SLC8A3: variants seen among roughly 807,000 people sequenced by gnomAD.
The protein encoded by SLC8A3 is solute carrier family 8 member A3, also known as sodium/calcium exchanger 3.
Under a neutral mutation model 65.4 loss-of-function variants are expected in SLC8A3, and 37 were observed. The observed-to-expected ratio is 0.57, with a 90% confidence interval of 0.44 to 0.74. The LOEUF is 0.74. Ranked by LOEUF, SLC8A3 falls within the 30% of genes least tolerant of loss-of-function variation. SLC8A3 has a pLI of 0.00. For missense variants in SLC8A3, 1,112 were observed against 1,172.1 expected (o/e 0.95, Z 0.75); for synonymous variants, 461 against 444.5 (o/e 1.04, Z -0.47).
At chr14:70,089,372 C>A (rs1891663128) in intron 2 of SLC8A3, among the ~76,000 whole-genome samples, 1 of 152,054 alleles carries the variant, frequency 6.6e-6, no homozygotes, top group Non-Finnish European at 1.5e-5. Flanking sequence ...GTTTCCAAAC[C>A]ATAACAGGAG....
chr14:70,184,140 G>A (rs902612094), intron 1 of SLC8A3, among the ~76,000 whole-genome samples: 1 of 152,008 alleles, frequency 6.6e-6, no homozygotes, highest in South Asian at 2.1e-4. Context: ...CTACCCATGA[G>A]AGTCTGTACA....
At chr14:70,134,749 C>A (rs1895076326) in intron 2 of SLC8A3, among the ~76,000 whole-genome samples, 1 of 152,166 alleles carries the variant, frequency 6.6e-6, no homozygotes, top group Admixed American at 6.5e-5. Context: ...TTAAAGCATA[C>A]ATCACACCAG....
chr14:70,166,623 C>T lies in SLC8A3; in HGVS notation c.1784+16G>A. ...GATGGGGTCAGGGAGGGGCAGAATA[C>T]AGGAAGGTTACTTACACAGTTTCAT... On this transcript the variant is annotated intron_variant, in intron 2 of 6. Transcript: ENST00000356921. 6.8e-7 allele frequency: 1 copy of T among 1,466,336 alleles called. No individual in the cohort carries two copies. Among genetic ancestry groups the T allele is most frequent in the South Asian group, 1.3e-5 (1 of 79,452 alleles). 90.8% of individuals were successfully genotyped at this position (1,466,336 alleles called of 1,614,324 possible).
At position 70,118,439 on chromosome 14, in the gene SLC8A3, C is replaced by G. The variant is rs1007368746; in HGVS notation, c.1784+48200G>C. Among the ~76,000 whole-genome samples, 4 of 152,216 alleles carry G rather than the reference C, an allele frequency of 2.6e-5. No homozygotes were observed. In the East Asian group the frequency reaches 5.8e-4, roughly 22 times the overall value. On this transcript the variant is annotated intron_variant, in intron 2 of 6. Coordinates refer to ENST00000356921, the MANE Select transcript of SLC8A3 (RefSeq NM_182932.3). ...AGCTCTCAGGTCTTCTGAAGCTGCT[C>G]TTGCATCTTCTCTGCCTAGAGCTCA... is the stretch of plus-strand genomic sequence containing the variant.
intron 1 of SLC8A3, among the ~76,000 whole-genome samples, chr14:70,172,532 G>A (rs1024136678): frequency 2.0e-5 from 3 of 152,130 alleles, no homozygotes; most frequent in Non-Finnish European, 4.4e-5. Flanking sequence ...TTACTGTTTC[G>A]ATGCCTAGTT....
chr14:70,077,093 T>C (rs1233633540), intron 2 of SLC8A3, among the ~76,000 whole-genome samples: 2 of 152,184 alleles, frequency 1.3e-5, no homozygotes, highest in Admixed American at 1.3e-4. Flanking sequence ...GTCACTTAAT[T>C]TGATGATGGT....
intron 2 of SLC8A3, among the ~76,000 whole-genome samples, chr14:70,120,792 C>T (rs183198259): frequency 3.6e-4 from 55 of 152,224 alleles, no homozygotes; most frequent in Admixed American, 9.8e-4. Context: ...TTTACTAGTT[C>T]GTTCATTCAA....
chr14:70,085,775 C>T (rs1891387145), intron 2 of SLC8A3, among the ~76,000 whole-genome samples: 1 of 152,172 alleles, frequency 6.6e-6, no homozygotes, highest in Non-Finnish European at 1.5e-5. Context: ...AATAAAATAA[C>T]AGCTAATACT....
chr14:70,187,331 G>A (rs1001815075), intron 1 of SLC8A3: 6 of 160,238 alleles, frequency 3.7e-5, no homozygotes, highest in Non-Finnish European at 6.7e-5. Context: ...GGGGGGCGGG[G>A]GGAGAGAGAG....
chr14:70,116,621 G>A (rs1360609527), intron 2 of SLC8A3, among the ~76,000 whole-genome samples: 1 of 152,128 alleles, frequency 6.6e-6, no homozygotes, highest in Non-Finnish European at 1.5e-5. Flanking sequence ...GGAAGCAGTG[G>A]TATGCCTTCA....
intron 2 of SLC8A3, among the ~76,000 whole-genome samples, chr14:70,068,550 A>T (rs953702366): frequency 7.3e-5 from 11 of 151,270 alleles, no homozygotes; most frequent in African/African-American, 2.7e-4. Context: ...GCTAATTTTT[A>T]AAAAATTATT....
chr14:70,128,030 A>G (rs1894589006), intron 2 of SLC8A3, among the ~76,000 whole-genome samples: 1 of 152,134 alleles, frequency 6.6e-6, no homozygotes, highest in Non-Finnish European at 1.5e-5. Context: ...CATGTCCCAA[A>G]TGGAATTCAT....
chr14:70,129,895 A>G (rs1230607582), intron 2 of SLC8A3, among the ~76,000 whole-genome samples: 3 of 152,212 alleles, frequency 2.0e-5, no homozygotes, highest in Non-Finnish European at 4.4e-5. Flanking sequence ...ATTTTCACGC[A>G]TCTTCTACGT....
intron 2 of SLC8A3, among the ~76,000 whole-genome samples, chr14:70,111,019 G>A (rs1893265957): frequency 6.6e-6 from 1 of 152,116 alleles, no homozygotes; most frequent in African/African-American, 2.4e-5. Flanking sequence ...TCTCTTTTGG[G>A]TACATACCCA....
At chr14:70,115,972 C>G (rs1203296298) in intron 2 of SLC8A3, among the ~76,000 whole-genome samples, 3 of 152,192 alleles carry the variant, frequency 2.0e-5, no homozygotes, top group Non-Finnish European at 2.9e-5. Context: ...CCTCCCTCCA[C>G]TCATTTAACA....
intron 2 of SLC8A3, among the ~76,000 whole-genome samples, chr14:70,120,488 C>A (rs138919376): frequency 1.3e-5 from 2 of 152,284 alleles, no homozygotes; most frequent in African/African-American, 4.8e-5. Context: ...CTAGCTGTGT[C>A]CTCCCTAGGG....
chr14:70,130,026 T>C (rs1196409878), intron 2 of SLC8A3, among the ~76,000 whole-genome samples: 1 of 152,230 alleles, frequency 6.6e-6, no homozygotes, highest in Non-Finnish European at 1.5e-5. Context: ...TTTCCTCCTC[T>C]AGCTGTCCAG....
chr14:70,099,490 C>A (rs2140100052), intron 2 of SLC8A3, among the ~76,000 whole-genome samples: 1 of 152,328 alleles, frequency 6.6e-6, no homozygotes, highest in East Asian at 1.9e-4. Flanking sequence ...TACTTTATCT[C>A]ATTGAGTCTC....
chr14:70,058,764 G>A (rs552794915), intron 3 of SLC8A3, among the ~76,000 whole-genome samples: 5 of 152,166 alleles, frequency 3.3e-5, no homozygotes, highest in Non-Finnish European at 7.3e-5. Context: ...GGCATGTATG[G>A]ACTTCCAATC....
Sources: gnomAD v4.1 joint callset for allele counts (sites outside exome capture counted in the v4.1 genomes callset) on GRCh38, gnomAD v4.1.1 for gene constraint, MANE v1.5 for transcripts, NCBI Gene and HGNC (gene_info 2026-07-23, HGNC 2026-07-21) for gene names.